Variants in ACSM3 observed in about 807,000 individuals in gnomAD.
The protein encoded by ACSM3 is acyl-CoA synthetase medium chain family member 3, also known as acyl-coenzyme A synthetase ACSM3, mitochondrial.
In ACSM3, 61 loss-of-function variants were observed where a neutral mutation model predicts 74.1. That is an observed-to-expected ratio of 0.82 (90% CI 0.67 to 1.02). The LOEUF (loss-of-function observed/expected upper bound fraction) is 1.02. Among genes scored for constraint, ACSM3 ranks in the 50% least tolerant of loss-of-function variants. The probability of loss-of-function intolerance (pLI) is 0.00; values close to 1 mark genes in which losing one functional copy is unlikely to be tolerated. For missense variants in ACSM3, 660 were observed against 697.0 expected (o/e 0.95, Z 0.60); for synonymous variants, 213 against 241.5 (o/e 0.88, Z 1.09).
chr16:20,693,928 T>C (rs1229821373), intron 1 of ACSM3, among the ~76,000 whole-genome samples: 1 of 152,212 alleles, frequency 6.6e-6, no homozygotes, highest in Non-Finnish European at 1.5e-5. Context: ...AAAAGCAAAA[T>C]TTATTCAAAG....
chr16:20,738,077 A>G, intron 1 of ACSM3: 2 of 929,244 alleles, frequency 2.2e-6, no homozygotes, highest in Non-Finnish European at 1.6e-6. Context: ...ATGAATTTTA[A>G]ATGAATCTAC....
rs905107168 is a variant in ACSM3 at position 20,780,750 on chromosome 16, A to C, written c.675A>C (p.Lys225Asn). The change falls in exon 5 of 14, where the codon AAA (lysine) becomes AAC (asparagine). Residue 225 changes from lysine (K) to asparagine (N), a missense_variant. By Grantham distance (94) the Lys-to-Asn change is moderately conservative. Coordinates refer to ENST00000289416, the MANE Select transcript of ACSM3 (RefSeq NM_005622.4). ...ACAGCCACACCTGTGTGAAGACAAA[A>C]CACAATGAGATCATGGCCATATTCT... Reference protein sequence around the residue: ...ASDSHTCVKTKHNEIMAIFFT... With the variant: ...ASDSHTCVKTNHNEIMAIFFT... The C allele has an allele frequency of 6.2e-7, 1 of 1,614,198 alleles. No homozygotes were observed. The highest frequency in any genetic ancestry group is 8.5e-7 in the Non-Finnish European group (1 of 1,180,028).
intron 1 of ACSM3, chr16:20,681,241 A>G (rs1376265288): frequency 1.3e-5 from 2 of 152,244 alleles, no homozygotes; most frequent in Non-Finnish European, 1.5e-5. Context: ...CACAAATGAG[A>G]AATGCTATAT....
At chr16:20,781,579 T>C in intron 6 of ACSM3, 129 bp from the exon 7 acceptor site, 1 of 773,794 alleles carries the variant, frequency 1.3e-6, no homozygotes, top group Non-Finnish European at 2.2e-6. Context: ...GGGATGATTC[T>C]ACAAGAAAAG....
intron 1 of ACSM3, among the ~76,000 whole-genome samples, chr16:20,709,977 A>G (rs904711556): frequency 1.3e-5 from 2 of 152,238 alleles, no homozygotes; most frequent in African/African-American, 4.8e-5. Context: ...AATGTTCAAG[A>G]AACAGTAGTG....
At chr16:20,717,993 G>GA in intron 1 of ACSM3, among the ~76,000 whole-genome samples, 2 of 148,032 alleles carry the variant, frequency 1.4e-5, no homozygotes, top group Non-Finnish European at 3.0e-5. Context: ...AGAAGAAGAA[G>GA]AAGAAGAAGA....
At position 20,677,224 on chromosome 16, in the gene ACSM3, A is replaced by AT. The variant is rs1168079908; in HGVS notation, c.-190+2404dup. ...TAACCAGGAGAAGACTTTTAAAGAA[A>AT]TTAAAAAAAAAAAAAAAGCCTTGAC... is the stretch of plus-strand genomic sequence containing the variant. On this transcript the variant is annotated intron_variant, in intron 1 of 3. Transcript: ENST00000561584. Among the ~76,000 whole-genome samples, 3 of 136,832 alleles carry AT rather than the reference A, an allele frequency of 2.2e-5. No homozygotes were observed. The East Asian group carries it at 1.0e-3, about 45-fold the overall frequency. 89.8% of individuals were successfully genotyped at this position (136,832 alleles called of 152,430 possible).
chr16:20,797,117 G>C lies in ACSM3; in HGVS notation c.*145G>C. ...AAAATATCTTGTGGTTATGATATCA[G>C]AGGCTAAATTTTGAAATAAAATATT... On this transcript the variant is annotated 3_prime_UTR_variant, in exon 14 of 14. Transcript: ENST00000289416. The C allele has an allele frequency of 7.3e-7, 1 of 1,376,408 alleles. No homozygotes were observed. Among genetic ancestry groups the C allele is most frequent in the Non-Finnish European group, 9.4e-7 (1 of 1,066,992 alleles). 85.3% of individuals were successfully genotyped at this position (1,376,408 alleles called of 1,614,324 possible).
At chr16:20,770,731 A>G (rs138867504) in intron 2 of ACSM3, among the ~76,000 whole-genome samples, 37 of 152,280 alleles carry the variant, frequency 2.4e-4, no homozygotes, top group Non-Finnish European at 4.4e-4. Context: ...AAGGACCCCA[A>G]AGTTATTATT....
chr16:20,737,818 G>A, intron 1 of ACSM3: 1 of 1,613,890 alleles, frequency 6.2e-7, no homozygotes, highest in South Asian at 1.1e-5. Flanking sequence ...TTCCAAAAAT[G>A]TTTCTGCATA....
At chr16:20,748,156 TAAA>T (rs2079965957) in intron 1 of ACSM3, among the ~76,000 whole-genome samples, 1 of 151,596 alleles carries the variant, frequency 6.6e-6, no homozygotes, top group Non-Finnish European at 1.5e-5. Context: ...AATAAATAAA[TAAA>T]TAGATAGATA....
chr16:20,691,171 C>T, intron 1 of ACSM3: 1 of 1,593,912 alleles, frequency 6.3e-7, no homozygotes, highest in Non-Finnish European at 8.5e-7. Flanking sequence ...GGGTCCGGAA[C>T]CTCATTAGCC....
chr16:20,698,119 G>A (rs1025818469), intron 1 of ACSM3, among the ~76,000 whole-genome samples: 20 of 151,164 alleles, frequency 1.3e-4, no homozygotes, highest in Non-Finnish European at 2.8e-4. Flanking sequence ...GCGTGAACAC[G>A]GGAGGCGGAG....
At chr16:20,739,868 G>A (rs1262085034) in intron 1 of ACSM3, among the ~76,000 whole-genome samples, 5 of 151,294 alleles carry the variant, frequency 3.3e-5, no homozygotes, top group African/African-American at 1.2e-4. Context: ...GGGAATTCCC[G>A]CAGACTATAG....
At chr16:20,712,005 C>T (rs1387508631) in intron 1 of ACSM3, among the ~76,000 whole-genome samples, 3 of 152,068 alleles carry the variant, frequency 2.0e-5, no homozygotes, top group Non-Finnish European at 2.9e-5. Context: ...GCTGTTTCTT[C>T]TGCCTGGAGT....
At chr16:20,791,577 C>G (rs189075254) in intron 10 of ACSM3, among the ~76,000 whole-genome samples, 1 of 152,306 alleles carries the variant, frequency 6.6e-6, no homozygotes, top group East Asian at 1.9e-4. Context: ...CTATCTCTTC[C>G]TAACTCTAAT....
intron 1 of ACSM3, chr16:20,738,286 C>T (rs1420235231): frequency 4.8e-6 from 2 of 420,918 alleles, no homozygotes; most frequent in East Asian, 7.4e-5. Context: ...CAACAGAGTA[C>T]ATTAAACAGT....
chr16:20,696,310 G>A (rs780617683), intron 1 of ACSM3, among the ~76,000 whole-genome samples: 1 of 152,022 alleles, frequency 6.6e-6, no homozygotes, highest in African/African-American at 2.4e-5. Flanking sequence ...TCTCTGTTTC[G>A]ATATCTATTT....
At chr16:20,760,980 GT>G (rs768641346), upstream of ACSM3, among the ~76,000 whole-genome samples, 9 of 152,182 alleles carry the variant, frequency 5.9e-5, no homozygotes, top group Non-Finnish European at 1.3e-4. Flanking sequence ...TTCAGCCAGA[GT>G]TTAGCCCTTT....
Sources: gnomAD v4.1 joint callset for allele counts (sites outside exome capture counted in the v4.1 genomes callset) on GRCh38, gnomAD v4.1.1 for gene constraint, MANE v1.5 for transcripts, NCBI Gene and HGNC (gene_info 2026-07-23, HGNC 2026-07-21) for gene names.